Variants in ANO3 observed in about 807,000 individuals in gnomAD.
ANO3 encodes the protein anoctamin 3.
ANO3 carries 99 observed loss-of-function variants against 144.8 expected under a neutral mutation model. That is an observed-to-expected ratio of 0.68 (90% CI 0.58 to 0.81). The LOEUF is 0.81. ANO3 is among the 30% of genes least tolerant of loss of function. ANO3 has a pLI of 0.00. For synonymous variants in ANO3, 414 were observed against 392.6 expected, an observed-to-expected ratio of 1.05 and a Z score of -0.64; for missense variants, 905 against 1,202.2, an observed-to-expected ratio of 0.75 and a Z score of 3.66.
At chr11:26,507,169 G>A (rs1258519885) in intron 4 of ANO3, among the ~76,000 whole-genome samples, 2 of 151,988 alleles carry the variant, frequency 1.3e-5, no homozygotes, top group South Asian at 2.1e-4. Context: ...CCCCCTAAGA[G>A]GACCATGAGG....
At chr11:26,367,590 T>A (rs1467363135) in intron 1 of ANO3, among the ~76,000 whole-genome samples, 1 of 152,196 alleles carries the variant, frequency 6.6e-6, no homozygotes, top group Middle Eastern at 3.2e-3. Context: ...GCTATCTTTA[T>A]ATTAATGCCC....
In ANO3 at chr11:26,559,799, C is replaced by T. The variant is rs770305438; in HGVS notation, c.1447+20C>T. On this transcript the variant is annotated intron_variant, in intron 14 of 26. Coordinates refer to ENST00000256737, the MANE Select transcript of ANO3 (RefSeq NM_031418.4). The stretch of plus-strand genomic sequence containing the variant: ...TATGGGGTAAGTACTTTCTTCATTA[C>T]TTTCTATCCCTTATTTTCTGAAGCT... 3 of 1,512,962 alleles carry T rather than the reference C, an allele frequency of 2.0e-6. No individual in the cohort carries two copies. Among genetic ancestry groups the T allele is most frequent in the East Asian group, 4.5e-5 (2 of 44,090 alleles). 93.7% of individuals were successfully genotyped at this position (1,512,962 alleles called of 1,614,324 possible).
chr11:26,461,819 C>T (rs1457942928), intron 3 of ANO3, among the ~76,000 whole-genome samples: 1 of 151,968 alleles, frequency 6.6e-6, no homozygotes, highest in East Asian at 1.9e-4. Context: ...AAATTATACC[C>T]ACTTTATAAA....
At chr11:26,308,987 A>T (rs531512692), upstream of ANO3, among the ~76,000 whole-genome samples, 2 of 152,324 alleles carry the variant, frequency 1.3e-5, no homozygotes, top group East Asian at 3.9e-4. Context: ...CCCTAAGTTC[A>T]TATAGTTAGA....
chr11:26,467,633 G>A (rs1859645032), intron 4 of ANO3, among the ~76,000 whole-genome samples: 1 of 150,862 alleles, frequency 6.6e-6, no homozygotes, highest in African/African-American at 2.4e-5. Context: ...TGGCTGAATA[G>A]TACTCCATTG....
intron 1 of ANO3, among the ~76,000 whole-genome samples, chr11:26,372,063 C>G (rs748450935): frequency 2.0e-5 from 3 of 152,170 alleles, no homozygotes; most frequent in Non-Finnish European, 4.4e-5. Context: ...TGTGTCCCCA[C>G]CCAAATCTCA....
chr11:26,654,824 A>G (rs1015790411), intron 24 of ANO3, among the ~76,000 whole-genome samples: 1 of 151,256 alleles, frequency 6.6e-6, no homozygotes, highest in Non-Finnish European at 1.5e-5. Flanking sequence ...AATTTTATAA[A>G]ACATTTGTTT....
At chr11:26,500,376 C>T (rs1013407623) in intron 4 of ANO3, among the ~76,000 whole-genome samples, 1 of 151,878 alleles carries the variant, frequency 6.6e-6, no homozygotes, top group African/African-American at 2.4e-5. Context: ...AAGAAATTGC[C>T]AAACTGTTTT....
At chr11:26,409,526 C>T (rs573014820) in intron 1 of ANO3, among the ~76,000 whole-genome samples, 2 of 151,940 alleles carry the variant, frequency 1.3e-5, no homozygotes, top group African/African-American at 2.4e-5. Context: ...TATACAGTTT[C>T]GTGACCTGAA....
rs537089309 is a variant in ANO3, at chr11:26,525,529, C to T, written c.693-106C>T. 177 of 808,812 alleles carry T rather than the reference C, an allele frequency of 2.2e-4. No individual in the cohort carries two copies. In the African/African-American group the frequency reaches 2.7e-3, roughly 12 times the overall value. The allele number at this position is 808,812 out of a possible 1,614,324, so 50.1% of individuals were successfully genotyped here. Reference sequence around the variant, plus strand: ...AAACATCTTAAGTTTCTTAAGCATACGGAACTTGGAGTATAGAAATGCTCA... The same window carrying T: ...AAACATCTTAAGTTTCTTAAGCATATGGAACTTGGAGTATAGAAATGCTCA... On this transcript the variant is annotated intron_variant, in intron 6 of 26. Coordinates refer to ENST00000256737, the MANE Select transcript of ANO3 (RefSeq NM_031418.4).
At chr11:26,583,639 G>A (rs1033984543) in intron 14 of ANO3, among the ~76,000 whole-genome samples, 2 of 152,214 alleles carry the variant, frequency 1.3e-5, no homozygotes, top group Non-Finnish European at 2.9e-5. Flanking sequence ...CAGGCATGGA[G>A]ATGTACAATG....
chr11:26,205,636 C>T (rs905134025), intron 1 of ANO3, among the ~76,000 whole-genome samples: 4 of 152,138 alleles, frequency 2.6e-5, no homozygotes, highest in Admixed American at 6.6e-5. Context: ...CTCCGAAAAC[C>T]TGGGGAACTT....
chr11:26,367,193 A>G (rs1451665140), intron 1 of ANO3, among the ~76,000 whole-genome samples: 1 of 152,240 alleles, frequency 6.6e-6, no homozygotes. Context: ...GGACATAGGC[A>G]TGGGCAAGCA....
chr11:26,595,460 G>T (rs201829725), intron 14 of ANO3, among the ~76,000 whole-genome samples: 17,786 of 101,056 alleles, frequency 0.18, 1,685 homozygotes, highest in East Asian at 0.31. Context: ...AGATAGAGTT[G>T]TTTTTTTTTT....
At chr11:26,276,303 G>A (rs1853559022) in intron 1 of ANO3, among the ~76,000 whole-genome samples, 2 of 152,096 alleles carry the variant, frequency 1.3e-5, no homozygotes, top group Non-Finnish European at 2.9e-5. Flanking sequence ...TTCTGATTAG[G>A]AAGATCTGGG....
intron 14 of ANO3, 30 bp from the exon 15 acceptor site, chr11:26,598,335 G>A (rs781454271): frequency 3.9e-6 from 5 of 1,294,926 alleles, no homozygotes; most frequent in East Asian, 5.2e-5. Flanking sequence ...TGTGATTTGG[G>A]TAAAGAATTA....
At chr11:26,248,942 T>G (rs1214411908) in intron 1 of ANO3, among the ~76,000 whole-genome samples, 1 of 152,174 alleles carries the variant, frequency 6.6e-6, no homozygotes. Context: ...GGATCTAGGT[T>G]GTGTACTCCT....
At chr11:26,397,917 C>A (rs895471274) in intron 1 of ANO3, among the ~76,000 whole-genome samples, 1 of 151,602 alleles carries the variant, frequency 6.6e-6, no homozygotes, top group Non-Finnish European at 1.5e-5. Flanking sequence ...CACATTTAGC[C>A]TGTCTTTTAT....
At chr11:26,648,804 C>G (rs1223236225) in intron 24 of ANO3, among the ~76,000 whole-genome samples, 1 of 152,188 alleles carries the variant, frequency 6.6e-6, no homozygotes, top group Non-Finnish European at 1.5e-5. Context: ...GCTTCTCCTG[C>G]TTCCTTCAGG....
Sources: gnomAD v4.1 joint callset for allele counts (sites outside exome capture counted in the v4.1 genomes callset) on GRCh38, gnomAD v4.1.1 for gene constraint, MANE v1.5 for transcripts, NCBI Gene and HGNC (gene_info 2026-07-23, HGNC 2026-07-21) for gene names.